MYT1L: variants seen among roughly 807,000 people sequenced by gnomAD.
MYT1L encodes the protein myelin transcription factor 1 like, also known as myelin transcription factor 1-like protein.
Under a neutral mutation model 126.7 loss-of-function variants are expected in MYT1L, and 12 were observed. The ratio of observed to expected loss-of-function variants is 0.09; its 90% CI spans 0.06 to 0.15. The LOEUF is 0.15. Among genes scored for constraint, MYT1L ranks in the 10% least tolerant of loss-of-function variants. The pLI is 1.00. For synonymous variants in MYT1L, 541 were observed against 604.2 expected (o/e 0.90, Z 1.53); for missense variants, 979 against 1,585.2 (o/e 0.62, Z 6.49).
chr2:1,823,511 T>C (rs28496806), intron 21 of MYT1L, among the ~76,000 whole-genome samples: 38,742 of 151,934 alleles, frequency 0.25, 5,332 homozygotes, highest in East Asian at 0.58. Context: ...TCTGAGCAGC[T>C]CCCCCAGGAC....
chr2:2,265,588 G>A (rs2095106975), intron 2 of MYT1L, among the ~76,000 whole-genome samples: 1 of 152,174 alleles, frequency 6.6e-6, no homozygotes, highest in Non-Finnish European at 1.5e-5. Flanking sequence ...TTGGGATGAT[G>A]TCGGATGGTG....
At chr2:1,863,744 G>GA in intron 18 of MYT1L, among the ~76,000 whole-genome samples, 1 of 150,650 alleles carries the variant, frequency 6.6e-6, no homozygotes, top group African/African-American at 2.4e-5. Flanking sequence ...ACAAAAAAGG[G>GA]GGGGGCATTT....
intron 3 of MYT1L, among the ~76,000 whole-genome samples, chr2:2,129,537 G>C (rs1489843555): frequency 6.6e-6 from 1 of 152,208 alleles, no homozygotes; most frequent in Non-Finnish European, 1.5e-5. Flanking sequence ...TCAGGCTGGA[G>C]CCCACACAGG....
At chr2:2,243,881 C>T (rs1306338882) in intron 2 of MYT1L, among the ~76,000 whole-genome samples, 1 of 152,154 alleles carries the variant, frequency 6.6e-6, no homozygotes, top group Non-Finnish European at 1.5e-5. Flanking sequence ...AGGCTCACAT[C>T]ACTGAAAAAT....
At chr2:2,192,606 T>A (rs2148753665) in intron 2 of MYT1L, among the ~76,000 whole-genome samples, 1 of 152,306 alleles carries the variant, frequency 6.6e-6, no homozygotes, top group African/African-American at 2.4e-5. Flanking sequence ...GGCTCTGTTT[T>A]CTTTCTTCTC....
intron 1 of MYT1L, among the ~76,000 whole-genome samples, chr2:2,297,507 T>G (rs1221351671): frequency 1.3e-5 from 2 of 152,214 alleles, no homozygotes; most frequent in Non-Finnish European, 2.9e-5. Context: ...CATGCTTTTC[T>G]GCAGACAGAT....
chr2:2,303,040 T>C (rs187925981), intron 1 of MYT1L, among the ~76,000 whole-genome samples: 2 of 152,308 alleles, frequency 1.3e-5, no homozygotes, highest in East Asian at 3.9e-4. Context: ...TCAATCAGGC[T>C]CCATTTTTAA....
At chr2:2,028,412 C>T (rs1038254714) in intron 4 of MYT1L, among the ~76,000 whole-genome samples, 1 of 152,116 alleles carries the variant, frequency 6.6e-6, no homozygotes, top group African/African-American at 2.4e-5. Context: ...AATAGTAGAT[C>T]GACAGTCCTA....
In MYT1L at chr2:1,793,324, C is replaced by T. The variant is rs1243180473; in HGVS notation, c.3277-860G>A. 1.3e-5 allele frequency among the ~76,000 whole-genome samples: 2 copies of T among 152,202 alleles called. No homozygotes were observed. The highest frequency in any genetic ancestry group is 1.9e-4 in the East Asian group (1 of 5,176). Reference sequence around the variant, plus strand: ...CAGGACTAGCTTCACACGCAGCAGGCGGGGAGCTGCCCTGCCCATGGGGGT... The same window carrying T: ...CAGGACTAGCTTCACACGCAGCAGGTGGGGAGCTGCCCTGCCCATGGGGGT... On this transcript the variant is annotated intron_variant, in intron 23 of 24. Transcript: ENST00000647738. The surrounding 1 kb of genome is among the most constrained non-coding windows in gnomAD (Gnocchi z 4.6).
At chr2:1,952,790 T>C (rs1278840112) in intron 8 of MYT1L, among the ~76,000 whole-genome samples, 1 of 55,562 alleles carries the variant, frequency 1.8e-5, no homozygotes, top group Non-Finnish European at 3.4e-5. Flanking sequence ...TTTCCTCCCT[T>C]CCCTCCTTCT....
chr2:1,917,131 C>T lies in MYT1L; in HGVS notation c.1618+74G>A. 1.3e-6 allele frequency: 2 copies of T among 1,530,020 alleles called. No individual in the cohort carries two copies. The highest frequency in any genetic ancestry group is 1.8e-6 in the Non-Finnish European group (2 of 1,123,798). The allele number at this position is 1,530,020 out of a possible 1,614,324, so 94.8% of individuals were successfully genotyped here. A position where few individuals can be genotyped will look rare whatever the true frequency, so the allele number is the denominator to read the frequency against. On this transcript the variant is annotated intron_variant, in intron 11 of 24. Transcript: ENST00000647738. This position sits in a 1 kb window ranked among gnomAD's most constrained non-coding sequence, Gnocchi z 5.9. ...CCGAGCCGTACAATGGAGATGATGTCAGGTAAGAGGGATGACAGAGACAGA... is the reference window on the plus strand; with the variant it reads ...CCGAGCCGTACAATGGAGATGATGTTAGGTAAGAGGGATGACAGAGACAGA...
chr2:2,110,206 T>C (rs966879542), intron 3 of MYT1L, among the ~76,000 whole-genome samples: 2 of 151,886 alleles, frequency 1.3e-5, no homozygotes, highest in Non-Finnish European at 2.9e-5. Context: ...GAGAAGTCAA[T>C]TCTAAAACCT....
intron 3 of MYT1L, among the ~76,000 whole-genome samples, chr2:2,171,103 GCAGTCTC>G (rs2089992469): frequency 6.6e-6 from 1 of 152,168 alleles, no homozygotes; most frequent in Non-Finnish European, 1.5e-5. Flanking sequence ...ACTGAGGATG[GCAGTCTC>G]CAGGGCAAAG....
chr2:1,796,062 A>C (rs2033424205), intron 23 of MYT1L, among the ~76,000 whole-genome samples: 2 of 152,218 alleles, frequency 1.3e-5, no homozygotes, highest in African/African-American at 4.8e-5. Flanking sequence ...AAAGAATAAC[A>C]GCATTTTGTA....
intron 3 of MYT1L, among the ~76,000 whole-genome samples, chr2:2,169,538 T>G (rs2089688337): frequency 6.6e-6 from 1 of 152,214 alleles, no homozygotes; most frequent in Admixed American, 6.5e-5. Context: ...TTTTCAGCAT[T>G]AACCTTTTTA....
chr2:2,304,888 T>G (rs542055683), intron 1 of MYT1L, among the ~76,000 whole-genome samples: 133 of 152,274 alleles, frequency 8.7e-4, no homozygotes, highest in Non-Finnish European at 1.1e-3. Flanking sequence ...AACTGTCTTG[T>G]GGGTGCCACT....
At chr2:2,048,843 G>A (rs917271309) in intron 4 of MYT1L, among the ~76,000 whole-genome samples, 14 of 152,146 alleles carry the variant, frequency 9.2e-5, no homozygotes, top group Non-Finnish European at 1.8e-4. Flanking sequence ...ACCACACTCC[G>A]GAATAGGAGG....
chr2:2,264,239 G>A (rs995309349), intron 2 of MYT1L, among the ~76,000 whole-genome samples: 6 of 152,088 alleles, frequency 3.9e-5, no homozygotes, highest in African/African-American at 1.4e-4. Context: ...CAAGGACTAT[G>A]CATCTCCTGA....
chr2:1,815,838 T>C (rs2037539963), intron 21 of MYT1L, among the ~76,000 whole-genome samples: 1 of 152,268 alleles, frequency 6.6e-6, no homozygotes, highest in African/African-American at 2.4e-5. Flanking sequence ...TAGCCATAGA[T>C]GGCTTTTCCT....
Sources: gnomAD v4.1 joint callset for allele counts (sites outside exome capture counted in the v4.1 genomes callset) on GRCh38, gnomAD v4.1.1 for gene constraint, Gnocchi (gnomAD v3.1) non-coding constraint, MANE v1.5 for transcripts, NCBI Gene and HGNC (gene_info 2026-07-23, HGNC 2026-07-21) for gene names.